The following CDH18 variants were observed in gnomAD, a reference collection of about 807,000 sequenced individuals.
CDH18 encodes cadherin 18.
Under a neutral mutation model 67.9 loss-of-function variants are expected in CDH18, and 31 were observed. The ratio of observed to expected loss-of-function variants is 0.46; its 90% CI spans 0.34 to 0.62. The LOEUF (loss-of-function observed/expected upper bound fraction) is 0.62. Ranked by LOEUF, CDH18 falls within the 20% of genes least tolerant of loss-of-function variation. The pLI is 0.01. For synonymous variants in CDH18, 362 were observed against 347.2 expected (o/e 1.04, Z -0.48); for missense variants, 890 against 975.5 (o/e 0.91, Z 1.17).
rs76386487 is a variant in CDH18, at chr5:20,537,585, C to A, written c.-580+37877G>T. Among the ~76,000 whole-genome samples the A allele has an allele frequency of 4.9e-3, 751 of 152,166 alleles. 9 individuals carry two copies. Among genetic ancestry groups the A allele is most frequent in the African/African-American group, 0.017 (719 of 41,518 alleles). ...GAGGGCAATAGAAGACTCACAGCTG[C>A]AACTTTAAGCGCTAAGCTCTTAGGG... On this transcript the variant is annotated intron_variant, in intron 1 of 14. Coordinates refer to the CDH18 transcript ENST00000507958.
At chr5:20,067,970 T>C (rs1032344274) in intron 2 of CDH18, among the ~76,000 whole-genome samples, 2 of 152,222 alleles carry the variant, frequency 1.3e-5, no homozygotes, top group African/African-American at 4.8e-5. Flanking sequence ...TATTGTGACC[T>C]ATTGTGACCC....
chr5:19,642,235 C>T (rs927075692), intron 5 of CDH18, among the ~76,000 whole-genome samples: 1 of 151,956 alleles, frequency 6.6e-6, no homozygotes, highest in Non-Finnish European at 1.5e-5. Context: ...ATCAACACTG[C>T]TGCAATGTCC....
At chr5:19,646,198 T>C (rs1754712959) in intron 5 of CDH18, among the ~76,000 whole-genome samples, 1 of 152,188 alleles carries the variant, frequency 6.6e-6, no homozygotes. Context: ...ATGGCTTGTT[T>C]GTTTATCTTT....
chr5:20,117,047 G>GTA (rs1275852983), intron 2 of CDH18, among the ~76,000 whole-genome samples: 9 of 151,998 alleles, frequency 5.9e-5, no homozygotes, highest in African/African-American at 2.2e-4. Context: ...GTGTGTGTGT[G>GTA]TGTATTTTTA....
chr5:20,366,151 A>C (rs1256574299), intron 1 of CDH18, among the ~76,000 whole-genome samples: 2 of 152,180 alleles, frequency 1.3e-5, no homozygotes, highest in African/African-American at 4.8e-5. Flanking sequence ...TATTATAGTC[A>C]CCTCAAATTT....
At chr5:20,112,719 TA>T (rs57393212) in intron 2 of CDH18, among the ~76,000 whole-genome samples, 6,511 of 151,918 alleles carry the variant, frequency 0.043, 488 homozygotes, top group African/African-American at 0.15. Flanking sequence ...TCTCAAAAAA[TA>T]AAAAAAATAA....
intron 1 of CDH18, among the ~76,000 whole-genome samples, chr5:20,501,586 TA>T (rs1754311978): frequency 7.8e-5 from 1 of 12,748 alleles, no homozygotes; most frequent in Admixed American, 1.6e-3. Flanking sequence ...ATATATTATA[TA>T]TATATATTAT....
chr5:20,229,049 G>A (rs895483226), intron 2 of CDH18, among the ~76,000 whole-genome samples: 4 of 151,962 alleles, frequency 2.6e-5, no homozygotes, highest in African/African-American at 9.7e-5. Flanking sequence ...AATGTTTTTT[G>A]TAATTATGGG....
chr5:19,487,090 G>T (rs1363219184), intron 11 of CDH18, among the ~76,000 whole-genome samples: 1 of 152,110 alleles, frequency 6.6e-6, no homozygotes, highest in East Asian at 1.9e-4. Context: ...CCAGAACAAA[G>T]AAATTTAACA....
Position 19,968,159 on chromosome 5 carries a change from T to G in CDH18, c.-257+12901A>C, listed in dbSNP as rs377521600. ...GGGACGTGAAGGACCTCTTCAAGGA[T>G]AACTACAAACCACTGCTCAATGAAA... is the stretch of plus-strand genomic sequence containing the variant. On this transcript the variant is annotated intron_variant, in intron 2 of 12. Transcript: ENST00000382275. Among the ~76,000 whole-genome samples the G allele has an allele frequency of 5.1e-3, 780 of 152,036 alleles. 1 individual carries two copies. The highest frequency in any genetic ancestry group is 7.4e-3 in the Non-Finnish European group (506 of 67,958).
chr5:19,805,531 A>G (rs932548735), intron 3 of CDH18, among the ~76,000 whole-genome samples: 3 of 151,912 alleles, frequency 2.0e-5, no homozygotes, highest in African/African-American at 7.3e-5. Context: ...TCCTGATGCT[A>G]CTCTTTAGCC....
intron 8 of CDH18, among the ~76,000 whole-genome samples, chr5:19,547,640 T>G (rs1412438221): frequency 6.6e-6 from 1 of 152,184 alleles, no homozygotes; most frequent in Non-Finnish European, 1.5e-5. Flanking sequence ...GAGTTAAACA[T>G]TTTAATTTAT....
At chr5:19,738,427 A>T in intron 4 of CDH18, among the ~76,000 whole-genome samples, 1 of 152,350 alleles carries the variant, frequency 6.6e-6, no homozygotes, top group South Asian at 2.1e-4. Context: ...TATATTTTTT[A>T]GAATTACCTA....
rs1173950798 is a variant in CDH18, at chr5:20,455,373, G to T, written c.-580+120089C>A. ...TGGATTTAAGGAGAGCAAGACTAAG[G>T]CAGGGAGACAAATTAAAAAGCTATT... On this transcript the variant is annotated intron_variant, in intron 1 of 14. Transcript: ENST00000507958. Among the ~76,000 whole-genome samples the T allele has an allele frequency of 3.9e-5, 6 of 152,002 alleles. No individual in the cohort carries two copies. In the East Asian group the frequency reaches 9.7e-4, roughly 24 times the overall value.
In CDH18 at chr5:19,483,407, C is replaced by T. The variant is rs1286895461; in HGVS notation, c.1776G>A (p.Glu592=). ...STLTIRVCAC[E]RDGRVRTCHA... is the part of the protein sequence containing the mutation. ...GGCAGGTCCGCACACGCCCATCTCT[C>T]TCGCATGCACAAACCCTGATGGTGA... Residue 592 remains glutamate (E), a synonymous_variant, in exon 12 of 13, where the codon GAG becomes GAA. Transcript: ENST00000382275. 6 of 1,614,126 alleles carry T rather than the reference C, an allele frequency of 3.7e-6. No individual in the cohort carries two copies. Among genetic ancestry groups the T allele is most frequent in the Admixed American group, 1.7e-5 (1 of 60,018 alleles).
chr5:19,594,120 T>C lies in CDH18; in HGVS notation c.812-2876A>G, dbSNP rs536144104. Reference sequence around the variant, plus strand: ...GAAGCCATTTTCATTCTTCTGTATATAGATAATGAGTTTTCAATGCATTTT... The same window carrying C: ...GAAGCCATTTTCATTCTTCTGTATACAGATAATGAGTTTTCAATGCATTTT... On this transcript the variant is annotated intron_variant, in intron 6 of 12. Coordinates refer to ENST00000382275, the MANE Select transcript of CDH18 (RefSeq NM_004934.5). Among the ~76,000 whole-genome samples, 33 of 152,212 alleles carry C rather than the reference T, an allele frequency of 2.2e-4. No individual in the cohort carries two copies. The Middle Eastern group carries it at 0.014, about 63-fold the overall frequency.
chr5:20,507,045 G>T (rs1272013394), intron 1 of CDH18, among the ~76,000 whole-genome samples: 1 of 152,176 alleles, frequency 6.6e-6, no homozygotes, highest in Non-Finnish European at 1.5e-5. Context: ...CCCACATTAG[G>T]AAAGACTGAG....
chr5:20,150,829 A>G (rs146298876), intron 2 of CDH18, among the ~76,000 whole-genome samples: 1 of 152,008 alleles, frequency 6.6e-6, no homozygotes, highest in Admixed American at 6.6e-5. Context: ...CTTTACTCAC[A>G]TTGTAATACA....
chr5:20,172,246 A>ATG (rs1420256726), intron 2 of CDH18, among the ~76,000 whole-genome samples: 2 of 135,870 alleles, frequency 1.5e-5, no homozygotes, highest in African/African-American at 5.5e-5. Flanking sequence ...ATATGTATAT[A>ATG]TATATATATA....
Sources: gnomAD v4.1 joint callset for allele counts (sites outside exome capture counted in the v4.1 genomes callset) on GRCh38, gnomAD v4.1.1 for gene constraint, MANE v1.5 for transcripts, NCBI Gene and HGNC (gene_info 2026-07-23, HGNC 2026-07-21) for gene names.